Variants in SKIC3 observed in about 807,000 individuals in gnomAD.
SKIC3 encodes the protein SKI3 subunit of superkiller complex, also known as superkiller complex protein 3.
At chr5:95,519,775 G>A in the SKIC3 span, among the ~76,000 whole-genome samples, 1 of 152,036 alleles carries the variant, frequency 6.6e-6, no homozygotes, top group East Asian at 1.9e-4. Context: ...ATGTTATCCA[G>A]AATAACATTT....
chr5:95,506,739 T>C, the SKIC3 span, among the ~76,000 whole-genome samples: 1 of 152,212 alleles, frequency 6.6e-6, no homozygotes, highest in African/African-American at 2.4e-5. Flanking sequence ...GTTCTAACTC[T>C]GCTCCACATA....
the SKIC3 span, among the ~76,000 whole-genome samples, chr5:95,487,325 GT>G: frequency 6.6e-6 from 1 of 152,076 alleles, no homozygotes; most frequent in Non-Finnish European, 1.5e-5. Context: ...TATTAGTTCT[GT>G]CCCTCTAGGA....
chr5:95,546,682 C>G, the SKIC3 span, among the ~76,000 whole-genome samples: 1 of 152,148 alleles, frequency 6.6e-6, no homozygotes, highest in Admixed American at 6.5e-5. Context: ...GGAATCATAC[C>G]CATCAGCATA....
At chr5:95,485,776 G>T in the SKIC3 span, among the ~76,000 whole-genome samples, 1 of 152,140 alleles carries the variant, frequency 6.6e-6, no homozygotes, top group Non-Finnish European at 1.5e-5. Flanking sequence ...TTCGGTGCTC[G>T]CCTCGTCCAT....
the SKIC3 span, among the ~76,000 whole-genome samples, chr5:95,529,889 G>GT: frequency 1.3e-5 from 2 of 150,216 alleles, no homozygotes; most frequent in African/African-American, 4.9e-5. Flanking sequence ...CTGACACACA[G>GT]TAAGTTTAAC....
At chr5:95,473,415 G>A in the SKIC3 span, among the ~76,000 whole-genome samples, 1 of 152,196 alleles carries the variant, frequency 6.6e-6, no homozygotes, top group East Asian at 1.9e-4. Flanking sequence ...CTAAGTAGCT[G>A]GGACTACAGG....
the SKIC3 span, chr5:95,516,281 T>G: frequency 6.6e-7 from 1 of 1,516,810 alleles, no homozygotes; most frequent in Non-Finnish European, 9.1e-7. Context: ...CACAAGAAGC[T>G]GAGCTATTGA....
At chr5:95,528,196 T>C in the SKIC3 span, 1 of 1,612,392 alleles carries the variant, frequency 6.2e-7, no homozygotes, top group Non-Finnish European at 8.5e-7. Flanking sequence ...CCATATCACT[T>C]CTGTTTATTT....
At chr5:95,539,745 G>A in the SKIC3 span, among the ~76,000 whole-genome samples, 2 of 151,738 alleles carry the variant, frequency 1.3e-5, no homozygotes, top group Non-Finnish European at 2.9e-5. Context: ...TTGTGAGGCT[G>A]AGGCAGGAGA....
the SKIC3 span, among the ~76,000 whole-genome samples, chr5:95,526,313 A>C: frequency 6.6e-6 from 1 of 151,678 alleles, no homozygotes; most frequent in East Asian, 1.9e-4. Context: ...ACAGTTTCTC[A>C]GAGTCTGGAT....
chr5:95,503,716 C>A, the SKIC3 span: 3 of 1,554,960 alleles, frequency 1.9e-6, no homozygotes, highest in Non-Finnish European at 1.8e-6. Context: ...AACATTGCAA[C>A]CCCCACCCCA....
At chr5:95,513,655 G>GA in the SKIC3 span, 1 of 1,610,392 alleles carries the variant, frequency 6.2e-7, no homozygotes, top group Non-Finnish European at 8.5e-7. Flanking sequence ...CCTATAAAAG[G>GA]AAAAAAACAG....
the SKIC3 span, chr5:95,503,997 A>G: frequency 1.9e-6 from 3 of 1,578,082 alleles, no homozygotes; most frequent in Admixed American, 1.7e-5. Context: ...GTGTATCATC[A>G]AAATACTGAG....
the SKIC3 span, chr5:95,484,748 A>G: frequency 3.7e-6 from 6 of 1,614,200 alleles, no homozygotes; most frequent in Non-Finnish European, 5.1e-6. Flanking sequence ...TTTCAGCTTC[A>G]GATATTCTTC....
the SKIC3 span, among the ~76,000 whole-genome samples, chr5:95,493,066 T>C: frequency 6.6e-6 from 1 of 152,176 alleles, no homozygotes; most frequent in African/African-American, 2.4e-5. Flanking sequence ...AGAAATTGGA[T>C]TTTTTTCCAT....
the SKIC3 span, among the ~76,000 whole-genome samples, chr5:95,552,290 G>T: frequency 6.6e-5 from 10 of 151,844 alleles, no homozygotes; most frequent in African/African-American, 2.4e-4. Context: ...CCTACAACAG[G>T]GATCACTCCC....
At chr5:95,464,707 T>G in the SKIC3 span, 1 of 1,586,424 alleles carries the variant, frequency 6.3e-7, no homozygotes, top group South Asian at 1.1e-5. Flanking sequence ...TACAGGAACG[T>G]CAGTATTTTG....
At chr5:95,482,659 C>T in the SKIC3 span, 5 of 1,612,602 alleles carry the variant, frequency 3.1e-6, no homozygotes, top group Admixed American at 5.0e-5. Context: ...AAGAGGAACA[C>T]ATCAAATAGG....
At chr5:95,534,585 G>A in the SKIC3 span, among the ~76,000 whole-genome samples, 1 of 152,042 alleles carries the variant, frequency 6.6e-6, no homozygotes, top group African/African-American at 2.4e-5. Flanking sequence ...GGCTCAATCT[G>A]TCAAGACAGA....
Sources: gnomAD v4.1 joint callset for allele counts (sites outside exome capture counted in the v4.1 genomes callset) on GRCh38, gnomAD v4.1.1 for gene constraint, MANE v1.5 for transcripts, NCBI Gene and HGNC (gene_info 2026-07-23, HGNC 2026-07-21) for gene names.